Variants in C12orf76 observed in about 807,000 individuals in gnomAD.
C12orf76 encodes chromosome 12 open reading frame 76.
In C12orf76, 6 loss-of-function variants were observed where a neutral mutation model predicts 6.8. The ratio of observed to expected loss-of-function variants is 0.88; its 90% CI spans 0.48 to 1.73. C12orf76 has a LOEUF of 1.73. Among genes scored for constraint, C12orf76 ranks in the 40% most tolerant of loss-of-function variants. C12orf76 has a pLI of 0.01. For missense variants in C12orf76, 99 were observed against 98.2 expected (o/e 1.01, Z -0.03); for synonymous variants, 56 against 43.7 (o/e 1.28, Z -1.11).
At chr12:110,065,962 CCTT>C in exon 2 of C12orf76, 4 of 1,608,214 alleles carry the variant, frequency 2.5e-6, no homozygotes, top group Non-Finnish European at 1.7e-6. Flanking sequence ...GGATTCTTCT[CCTT>C]CTATGGGGTC....
intron 2 of C12orf76, among the ~76,000 whole-genome samples, chr12:110,065,133 CAT>C (rs1352735125): frequency 3.3e-5 from 5 of 150,916 alleles, no homozygotes; most frequent in South Asian, 2.1e-4. Flanking sequence ...TATATGTATA[CAT>C]ATATGTGTGT....
At chr12:110,042,524 G>T in intron 1 of C12orf76, 65 bp from the exon 2 acceptor site, 1 of 1,030,372 alleles carries the variant, frequency 9.7e-7, no homozygotes, top group Non-Finnish European at 1.5e-6. Flanking sequence ...TCCACTCACT[G>T]CCAATGATTT....
intron 3 of C12orf76, among the ~76,000 whole-genome samples, chr12:110,058,670 C>A: frequency 6.6e-6 from 1 of 150,914 alleles, no homozygotes; most frequent in Non-Finnish European, 1.5e-5. Flanking sequence ...ACTCTCTCTC[C>A]AAAAAAAAGA....
At chr12:110,068,246 G>GAAGAAGAAGAA (rs1892901196), upstream of C12orf76, among the ~76,000 whole-genome samples, 4 of 99,100 alleles carry the variant, frequency 4.0e-5, no homozygotes, top group African/African-American at 1.7e-4. Flanking sequence ...AGAAGAAGAA[G>GAAGAAGAAGAA]AAAGAAGAAG....
chr12:110,066,933 T>C (rs1892878085), intron 1 of C12orf76, among the ~76,000 whole-genome samples: 2 of 152,146 alleles, frequency 1.3e-5, no homozygotes, highest in Non-Finnish European at 2.9e-5. Context: ...GGACCACGAA[T>C]GAGAACACAG....
chr12:110,070,237 CAA>C (rs777312169), upstream of C12orf76, among the ~76,000 whole-genome samples: 8 of 103,854 alleles, frequency 7.7e-5, no homozygotes, highest in Admixed American at 1.0e-4. Context: ...GACCCCATTT[CAA>C]AAAAAAAAAA....
At chr12:110,053,943 G>A (rs1892627293), upstream of C12orf76, among the ~76,000 whole-genome samples, 1 of 152,062 alleles carries the variant, frequency 6.6e-6, no homozygotes, top group Admixed American at 6.6e-5. Flanking sequence ...AATTAGCTGG[G>A]TGTGGTGGCA....
chr12:110,046,645 A>C (rs1388714527), intron 1 of C12orf76, among the ~76,000 whole-genome samples: 1 of 152,188 alleles, frequency 6.6e-6, no homozygotes, highest in Non-Finnish European at 1.5e-5. Context: ...CAACAATGTC[A>C]AACTGTTAAG....
upstream of C12orf76, among the ~76,000 whole-genome samples, chr12:110,068,119 G>A (rs1209417859): frequency 6.6e-6 from 1 of 151,800 alleles, no homozygotes; most frequent in African/African-American, 2.4e-5. Context: ...CAGGAGAATC[G>A]TTTGAACCCG....
intron 1 of C12orf76, among the ~76,000 whole-genome samples, chr12:110,045,756 C>T (rs368505453): frequency 7.9e-5 from 12 of 151,040 alleles, no homozygotes; most frequent in African/African-American, 2.2e-4. Flanking sequence ...ATCAAGACTT[C>T]GAGACAAGCC....
intron 1 of C12orf76, among the ~76,000 whole-genome samples, chr12:110,043,018 T>TA (rs1274426452): frequency 1.3e-5 from 2 of 151,394 alleles, no homozygotes; most frequent in African/African-American, 2.4e-5. Flanking sequence ...AGGCGGAGGT[T>TA]ACAGTGAGCC....
At chr12:110,071,088 T>C (rs555901643), upstream of C12orf76, among the ~76,000 whole-genome samples, 3 of 152,352 alleles carry the variant, frequency 2.0e-5, no homozygotes, top group South Asian at 6.2e-4. Context: ...TGTATATGTT[T>C]ATCATTCAAT....
At chr12:110,055,487 G>A (rs550837673) in intron 4 of C12orf76, among the ~76,000 whole-genome samples, 7 of 152,246 alleles carry the variant, frequency 4.6e-5, no homozygotes, top group South Asian at 2.1e-4. Flanking sequence ...GATTACAGGC[G>A]TGAGTCACCG....
At chr12:110,066,093 TGGTCAGGG>T in intron 1 of C12orf76, 1 of 1,443,482 alleles carries the variant, frequency 6.9e-7, no homozygotes, top group Non-Finnish European at 9.1e-7. Flanking sequence ...TCCCCGAAGA[TGGTCAGGG>T]GCAGGCCGGG....
chr12:110,072,738 C>G (rs151156312), intron 1 of C12orf76, among the ~76,000 whole-genome samples: 1 of 152,014 alleles, frequency 6.6e-6, no homozygotes, highest in African/African-American at 2.4e-5. Flanking sequence ...GCCTGGCCAA[C>G]ATGGCGAAAC....
At chr12:110,057,125 A>G (rs527419643) in intron 4 of C12orf76, 8 of 1,141,016 alleles carry the variant, frequency 7.0e-6, no homozygotes, top group Non-Finnish European at 1.1e-5. Flanking sequence ...GGTGTCCACC[A>G]TAAAGTTGTT....
At chr12:110,062,384 G>A (rs1892784797) in intron 2 of C12orf76, among the ~76,000 whole-genome samples, 1 of 152,196 alleles carries the variant, frequency 6.6e-6, no homozygotes, top group Non-Finnish European at 1.5e-5. Context: ...GAGGCATAGA[G>A]TAGATTCATG....
At chr12:110,060,635 G>C (rs943574061) in intron 2 of C12orf76, among the ~76,000 whole-genome samples, 1 of 151,796 alleles carries the variant, frequency 6.6e-6, no homozygotes, top group African/African-American at 2.4e-5. Context: ...GCCCTTCTCC[G>C]GGGTCGGTTC....
upstream of C12orf76, chr12:110,050,627 G>C (rs551539992): frequency 8.3e-5 from 18 of 216,310 alleles, no homozygotes; most frequent in South Asian, 4.8e-4. Context: ...CAAATGCCAT[G>C]GTAATGTCAG....
Sources: allele counts gnomAD v4.1 joint callset (sites outside exome capture counted in the v4.1 genomes callset), GRCh38; gene constraint gnomAD v4.1.1; transcripts MANE v1.5; gene names NCBI Gene and HGNC (gene_info 2026-07-23, HGNC 2026-07-21).